Variants in MUC7 observed in about 807,000 individuals in gnomAD.
MUC7 encodes the protein mucin-7.
MUC7 carries 2 observed loss-of-function variants against 2.5 expected under a neutral mutation model. That is an observed-to-expected ratio of 0.81 (90% CI 0.33 to 2.55). The LOEUF is 2.55. Ranked by LOEUF, MUC7 falls within the 30% of genes most tolerant of loss-of-function variation. MUC7 has a pLI of 0.11. For missense variants in MUC7, 408 were observed against 455.6 expected (o/e 0.90, Z 0.95); for synonymous variants, 133 against 173.4 (o/e 0.77, Z 1.83).
At position 70,452,442 on chromosome 4, in the gene MUC7, T is replaced by C. The variant is rs114385798; in HGVS notation, c.-92-19773T>C. On this transcript the variant is annotated intron_variant, in intron 1 of 3. Transcript: ENST00000413702. ...CATTATATGTTTTTAGATTTCAGGT[T>C]ACCATGAGGCTTACAAATAATATCA... 4.6e-3 allele frequency among the ~76,000 whole-genome samples: 697 copies of C among 152,192 alleles called. 6 individuals carry two copies. Among genetic ancestry groups the C allele is most frequent in the African/African-American group, 0.016 (673 of 41,526 alleles).
intron 1 of MUC7, among the ~76,000 whole-genome samples, chr4:70,452,969 T>C (rs75541049): frequency 0.017 from 2,572 of 152,330 alleles, 101 homozygotes; most frequent in Non-Finnish European, 0.015. Context: ...TATACTATTC[T>C]AGGTTAAAAG....
upstream of MUC7, among the ~76,000 whole-genome samples, chr4:70,469,980 T>G (rs961165611): frequency 6.6e-6 from 1 of 152,214 alleles, no homozygotes; most frequent in African/African-American, 2.4e-5. Context: ...GCAGCACTAT[T>G]TACAATAGCA....
upstream of MUC7, among the ~76,000 whole-genome samples, chr4:70,468,402 C>G (rs1046323045): frequency 6.6e-6 from 1 of 152,162 alleles, no homozygotes; most frequent in African/African-American, 2.4e-5. Flanking sequence ...ATGGGAAGTT[C>G]TGGCCAGGGG....
chr4:70,479,198 G>A (rs942084580), intron 2 of MUC7, among the ~76,000 whole-genome samples: 9 of 152,030 alleles, frequency 5.9e-5, no homozygotes, highest in Non-Finnish European at 1.0e-4. Flanking sequence ...GAAATGATTC[G>A]GATTAAATTA....
intron 1 of MUC7, among the ~76,000 whole-genome samples, chr4:70,442,481 T>C (rs1338716419): frequency 6.6e-6 from 1 of 152,142 alleles, no homozygotes; most frequent in East Asian, 1.9e-4. Flanking sequence ...AACAAATGTG[T>C]ATACTCCAGG....
chr4:70,439,664 A>G (rs1309603137), intron 1 of MUC7, among the ~76,000 whole-genome samples: 1 of 152,016 alleles, frequency 6.6e-6, no homozygotes, highest in African/African-American at 2.4e-5. Flanking sequence ...ATCACCATGG[A>G]CCTATTGTAC....
intron 1 of MUC7, among the ~76,000 whole-genome samples, chr4:70,458,229 T>C (rs977388077): frequency 1.2e-5 from 1 of 83,304 alleles, no homozygotes; most frequent in African/African-American, 3.8e-5. Context: ...CATGATCATC[T>C]TGATTGATCT....
chr4:70,437,479 T>G (rs1733877312), intron 1 of MUC7, among the ~76,000 whole-genome samples: 1 of 152,238 alleles, frequency 6.6e-6, no homozygotes, highest in African/African-American at 2.4e-5. Context: ...GATCTCAGAC[T>G]GCTGTACTAG....
rs541633094 is a variant in MUC7, at chr4:70,453,968, A to G, written c.-92-18247A>G. 2.0e-5 allele frequency among the ~76,000 whole-genome samples: 3 copies of G among 152,220 alleles called. No individual in the cohort carries two copies. In the East Asian group the frequency reaches 5.8e-4, roughly 29 times the overall value. On this transcript the variant is annotated intron_variant, in intron 1 of 3. Coordinates refer to the MUC7 transcript ENST00000413702. The stretch of plus-strand genomic sequence containing the variant: ...AGGTAGATCCTAGAATGGGGGCCTC[A>G]CTATTCTGCCTGATGCCCTTTCCTA...
In MUC7 at chr4:70,481,985, A is replaced by G. The variant is rs1266044950; in HGVS notation, c.*107A>G. On this transcript the variant is annotated 3_prime_UTR_variant, in exon 3 of 3. Coordinates refer to ENST00000304887, the MANE Select transcript of MUC7 (RefSeq NM_152291.3). Reference sequence around the variant, plus strand: ...ATCCCAACATGAAATTATATTACTCAGATTTAAAGCACTATCATTAATCTT... The same window carrying G: ...ATCCCAACATGAAATTATATTACTCGGATTTAAAGCACTATCATTAATCTT... 1 of 1,293,842 alleles carries G rather than the reference A, an allele frequency of 7.7e-7. No individual in the cohort carries two copies. Among genetic ancestry groups the G allele is most frequent in the Non-Finnish European group, 1.1e-6 (1 of 945,538 alleles). The allele number at this position is 1,293,842 out of a possible 1,614,324, so 80.1% of individuals were successfully genotyped here.
At chr4:70,464,844 G>T (rs1022855304) in intron 1 of MUC7, among the ~76,000 whole-genome samples, 4 of 152,290 alleles carry the variant, frequency 2.6e-5, no homozygotes, top group South Asian at 2.1e-4. Flanking sequence ...AAACCTTCCC[G>T]CCTGCCGGCT....
At chr4:70,458,878 A>G (rs1231393474) in intron 1 of MUC7, among the ~76,000 whole-genome samples, 1 of 152,124 alleles carries the variant, frequency 6.6e-6, no homozygotes, top group Admixed American at 6.6e-5. Flanking sequence ...TCACATAAAG[A>G]AAAGTAGTGT....
At chr4:70,478,969 G>A (rs925575405) in intron 2 of MUC7, among the ~76,000 whole-genome samples, 3 of 152,172 alleles carry the variant, frequency 2.0e-5, no homozygotes, top group African/African-American at 7.2e-5. Flanking sequence ...TCTCAGTTGT[G>A]AATTAAAATT....
rs1414818190 is a variant in MUC7, at chr4:70,480,824, A to G, written c.80A>G (p.His27Arg). The G allele has an allele frequency of 7.4e-6, 12 of 1,613,818 alleles. No individual in the cohort carries two copies. In the African/African-American group the frequency reaches 1.1e-4, roughly 14 times the overall value. ...FSFSEGRERD[H>R]ELRHRRHHHQ... ...TTCAGTGAAGGTCGAGAAAGGGATC[A>G]TGAACTACGTCACAGAAGGCATCAT... The change falls in exon 3 of 3, where the codon CAT becomes CGT. Residue 27 changes from histidine (H) to arginine (R), a missense_variant. By Grantham distance (29) the His-to-Arg change is conservative. Around this residue, in one of 3 missense-constraint regions of MUC7, gnomAD observed 225 missense variants for 240.5 expected, o/e 0.94. Transcript: ENST00000304887.
At chr4:70,451,563 A>G (rs1323577709) in intron 1 of MUC7, among the ~76,000 whole-genome samples, 13 of 151,902 alleles carry the variant, frequency 8.6e-5, no homozygotes, top group Admixed American at 8.5e-4. Context: ...ATGTGTTTGT[A>G]TACTTTCCAA....
chr4:70,458,026 A>T (rs921454390), intron 1 of MUC7, among the ~76,000 whole-genome samples: 7 of 152,048 alleles, frequency 4.6e-5, no homozygotes, highest in African/African-American at 1.7e-4. Context: ...CGAAGTTAGC[A>T]TGAGGGAAAA....
At position 70,481,660 on chromosome 4, in the gene MUC7, G is replaced by C; in HGVS notation, c.916G>C (p.Ala306Pro). The change falls in exon 3 of 3, where the codon GCC becomes CCC. Residue 306 changes from alanine (A) to proline (P), a missense_variant. Ala to Pro is a conservative substitution (Grantham distance 27, BLOSUM62 -1). This residue lies in a region of MUC7 where 175 missense variants were observed against 187.1 expected (regional missense o/e 0.94). Coordinates refer to ENST00000304887, the MANE Select transcript of MUC7 (RefSeq NM_152291.3). ...CCCAGCTCCACAAGAGACCACAGCT[G>C]CCCCAATTACCACACCTAATTCTTC... is the stretch of plus-strand genomic sequence containing the variant. ...SSPAPQETTAAPITTPNSSPT... is the reference protein window; with the variant it reads ...SSPAPQETTAPPITTPNSSPT... 6.2e-7 allele frequency: 1 copy of C among 1,613,874 alleles called. No homozygotes were observed. Among genetic ancestry groups the C allele is most frequent in the South Asian group, 1.1e-5 (1 of 91,068 alleles).
chr4:70,482,047 A>G lies in MUC7; in HGVS notation c.*169A>G. 1 of 844,154 alleles carries G rather than the reference A, an allele frequency of 1.2e-6. No homozygotes were observed. The highest frequency in any genetic ancestry group is 1.8e-6 in the Non-Finnish European group (1 of 563,902). The allele number at this position is 844,154 out of a possible 1,614,324, so 52.3% of individuals were successfully genotyped here. On this transcript the variant is annotated 3_prime_UTR_variant, in exon 3 of 3. Coordinates refer to ENST00000304887, the MANE Select transcript of MUC7 (RefSeq NM_152291.3). ...ATTCACCACCACAAGACCTATTAACAAGACAAAATGCCTCTATCCCACAAG... is the reference window on the plus strand; with the variant it reads ...ATTCACCACCACAAGACCTATTAACGAGACAAAATGCCTCTATCCCACAAG...
At chr4:70,475,730 T>C (rs1734978969) in intron 2 of MUC7, among the ~76,000 whole-genome samples, 1 of 152,256 alleles carries the variant, frequency 6.6e-6, no homozygotes, top group Non-Finnish European at 1.5e-5. Flanking sequence ...TTAAATTTTA[T>C]TTTGACAAAA....
Sources: allele counts gnomAD v4.1 joint callset (sites outside exome capture counted in the v4.1 genomes callset), GRCh38; gene constraint gnomAD v4.1.1; regional missense constraint gnomAD v4.1.1; transcripts MANE v1.5; gene names NCBI Gene and HGNC (gene_info 2026-07-23, HGNC 2026-07-21).